The following CADPS variants were observed in gnomAD, a reference collection of about 807,000 sequenced individuals.
CADPS encodes calcium-dependent secretion activator 1.
CADPS carries 57 observed loss-of-function variants against 167.3 expected under a neutral mutation model. The observed-to-expected ratio is 0.34, with a 90% CI of 0.28 to 0.42. CADPS has a LOEUF of 0.42. CADPS is among the 20% of genes least tolerant of loss of function. The pLI is 1.00. For synonymous variants in CADPS, 676 were observed against 635.3 expected, an observed-to-expected ratio of 1.06 and a Z score of -0.96; for missense variants, 1,414 against 1,738.1, an observed-to-expected ratio of 0.81 and a Z score of 3.32.
intron 1 of CADPS, among the ~76,000 whole-genome samples, chr3:62,829,032 C>T (rs1324812417): frequency 2.0e-5 from 3 of 152,064 alleles, no homozygotes; most frequent in Non-Finnish European, 4.4e-5. Flanking sequence ...GGCTAATTAT[C>T]CAAGAAAAGA....
rs377010965 is a variant in CADPS, at chr3:62,805,395, G to T, written c.442-39411C>A. On this transcript the variant is annotated intron_variant, in intron 1 of 29. Transcript: ENST00000383710. ...ACTGAAGCTAAGTCATTTAGTAACT[G>T]CCTTTGATCACTCCATTAGGAAGCA... Among the ~76,000 whole-genome samples, 4 of 152,250 alleles carry T rather than the reference G, an allele frequency of 2.6e-5. No individual in the cohort carries two copies. In the East Asian group the frequency reaches 7.7e-4, roughly 29 times the overall value.
rs111951980 is a variant in CADPS, at chr3:62,706,796, T to C, written c.889-44402A>G. On this transcript the variant is annotated intron_variant, in intron 3 of 29. Coordinates refer to ENST00000383710, the MANE Select transcript of CADPS (RefSeq NM_003716.4). Reference sequence around the variant, plus strand: ...GACCCTACTGGCCTCATTTAACTTGTTTACCTCTGAAAAGACAATATCCAA... The same window carrying C: ...GACCCTACTGGCCTCATTTAACTTGCTTACCTCTGAAAAGACAATATCCAA... Among the ~76,000 whole-genome samples, 121 of 152,192 alleles carry C rather than the reference T, an allele frequency of 8.0e-4. 1 individual carries two copies. The highest frequency in any genetic ancestry group is 3.4e-3 in the Middle Eastern group (1 of 294).
chr3:62,820,098 T>G (rs1436293083), intron 1 of CADPS, among the ~76,000 whole-genome samples: 1 of 151,966 alleles, frequency 6.6e-6, no homozygotes, highest in East Asian at 1.9e-4. Context: ...AAAGATGCAA[T>G]GCAAATGGGA....
At chr3:62,853,106 A>T (rs1010203753) in intron 1 of CADPS, among the ~76,000 whole-genome samples, 3 of 152,200 alleles carry the variant, frequency 2.0e-5, no homozygotes, top group African/African-American at 7.2e-5. Flanking sequence ...CACAAAGAAA[A>T]TGAGCTGAAT....
At chr3:62,511,682 C>T (rs995383154) in intron 17 of CADPS, among the ~76,000 whole-genome samples, 1 of 152,132 alleles carries the variant, frequency 6.6e-6, no homozygotes, top group Non-Finnish European at 1.5e-5. Context: ...TCCTTACCAT[C>T]TCGTGAAGAC....
chr3:62,567,717 G>C (rs1402400789), intron 9 of CADPS, among the ~76,000 whole-genome samples: 1 of 151,812 alleles, frequency 6.6e-6, no homozygotes, highest in Non-Finnish European at 1.5e-5. Context: ...TGTGATTACA[G>C]GTGCGAGCCA....
chr3:62,631,109 TACACACACACAC>T lies in CADPS; in HGVS notation c.1325+14601_1325+14612del, dbSNP rs4019273. ...TACTTTAAAAACTTTATCTGTATAA[TACACACACACAC>T]ACACACACACACAAATATACACACA... is the stretch of plus-strand genomic sequence containing the variant. On this transcript the variant is annotated intron_variant, in intron 6 of 29. Transcript: ENST00000383710. Among the ~76,000 whole-genome samples the T allele has an allele frequency of 4.7e-5, 7 of 149,322 alleles. No individual in the cohort carries two copies. The South Asian group carries it at 1.5e-3, about 32-fold the overall frequency.
intron 17 of CADPS, among the ~76,000 whole-genome samples, chr3:62,500,966 GGGTAAGAC>G (rs1337712110): frequency 6.6e-6 from 1 of 152,200 alleles, no homozygotes; most frequent in Non-Finnish European, 1.5e-5. Context: ...TAGTGGGACA[GGGTAAGAC>G]TAGCCAGGTG....
At position 62,591,016 on chromosome 3, in the gene CADPS, G is replaced by T. The variant is rs370435662; in HGVS notation, c.1437+1621C>A. Among the ~76,000 whole-genome samples, 11 of 151,972 alleles carry T rather than the reference G, an allele frequency of 7.2e-5. No individual in the cohort carries two copies. The East Asian group carries it at 1.9e-3, about 27-fold the overall frequency. ...ATTACAGGTGCCTGCCACCACGCCC[G>T]GCTAATTTTTTTGGTATTTTTAGTA... On this transcript the variant is annotated intron_variant, in intron 7 of 29. Transcript: ENST00000383710.
At chr3:62,428,802 G>A (rs1244608617) in intron 28 of CADPS, among the ~76,000 whole-genome samples, 1 of 152,080 alleles carries the variant, frequency 6.6e-6, no homozygotes, top group Admixed American at 6.6e-5. Flanking sequence ...GCCCCCCAGG[G>A]GAAATTTGGC....
chr3:62,553,595 A>G (rs372468794), intron 10 of CADPS, among the ~76,000 whole-genome samples: 1 of 152,238 alleles, frequency 6.6e-6, no homozygotes, highest in East Asian at 1.9e-4. Flanking sequence ...CAATAAAATG[A>G]AGCCTAATTT....
intron 10 of CADPS, 64 bp downstream of exon 10, chr3:62,557,341 G>A: frequency 3.7e-6 from 4 of 1,087,654 alleles, no homozygotes; most frequent in Middle Eastern, 4.2e-4. Flanking sequence ...GCAATTATTA[G>A]TTGACCATTG....
chr3:62,647,789 A>C (rs1337050721), intron 5 of CADPS, among the ~76,000 whole-genome samples: 4 of 152,226 alleles, frequency 2.6e-5, no homozygotes, highest in Non-Finnish European at 5.9e-5. Context: ...CTGTGTAATC[A>C]CGTGCAGGTT....
chr3:62,462,997 G>C (rs538439286), intron 26 of CADPS, among the ~76,000 whole-genome samples: 1 of 152,188 alleles, frequency 6.6e-6, no homozygotes, highest in African/African-American at 2.4e-5. Flanking sequence ...TGTGGGAGAA[G>C]TGTCACTAAG....
chr3:62,698,757 T>TC lies in CADPS; in HGVS notation c.889-36364dup, dbSNP rs67010400. Among the ~76,000 whole-genome samples the TC allele has an allele frequency of 2.1e-3, 163 of 79,352 alleles. 28 individuals carry two copies. The highest frequency in any genetic ancestry group is 3.1e-3 in the Admixed American group (19 of 6,204). The allele number at this position is 79,352 out of a possible 152,430, so 52.1% of individuals were successfully genotyped here. Reference sequence around the variant, plus strand: ...TTTTTTTTTTTTTTTTTTTTTTTTTTCAGACAGGGTCTTGCTTTGTCACCC... The same window carrying TC: ...TTTTTTTTTTTTTTTTTTTTTTTTTTCCAGACAGGGTCTTGCTTTGTCACCC... On this transcript the variant is annotated intron_variant, in intron 3 of 29. Coordinates refer to ENST00000383710, the MANE Select transcript of CADPS (RefSeq NM_003716.4).
chr3:62,822,182 G>A (rs531503102), intron 1 of CADPS, among the ~76,000 whole-genome samples: 53 of 152,230 alleles, frequency 3.5e-4, no homozygotes, highest in African/African-American at 1.3e-3. Flanking sequence ...GCATTATCAA[G>A]GGAATGCTAT....
chr3:62,863,790 G>A (rs1432049707), intron 1 of CADPS, among the ~76,000 whole-genome samples: 1 of 152,200 alleles, frequency 6.6e-6, no homozygotes, highest in Non-Finnish European at 1.5e-5. Flanking sequence ...TGGTGAGGAT[G>A]AACAATAAAA....
At chr3:62,599,523 CAT>C (rs1391104481) in intron 6 of CADPS, among the ~76,000 whole-genome samples, 1 of 92,086 alleles carries the variant, frequency 1.1e-5, no homozygotes, top group African/African-American at 4.4e-5. Flanking sequence ...ATATATATTA[CAT>C]ATATATTATA....
In CADPS at chr3:62,645,745, A is replaced by G. The variant is rs150113131; in HGVS notation, c.1302T>C (p.Asp434=). ...EVEGGEKLQT[D]QAEASKPTWG... ...ACGTTGGTTTAGAAGCCTCGGCCTG[A>G]TCAGTCTGTAGTTTCTCTCCTCCTT... The change falls in exon 6 of 30, where the codon GAT becomes GAC. Residue 434 remains aspartate, a synonymous_variant. Transcript: ENST00000383710. 1.2e-6 allele frequency: 2 copies of G among 1,614,120 alleles called. No individual in the cohort carries two copies. The highest frequency in any genetic ancestry group is 2.2e-5 in the East Asian group (1 of 44,870).
Sources: allele counts gnomAD v4.1 joint callset (sites outside exome capture counted in the v4.1 genomes callset), GRCh38; gene constraint gnomAD v4.1.1; transcripts MANE v1.5; gene names NCBI Gene and HGNC (gene_info 2026-07-23, HGNC 2026-07-21).